Variants in PTPRM observed in about 807,000 individuals in gnomAD.
The protein encoded by PTPRM is protein tyrosine phosphatase receptor type M.
Under a neutral mutation model 186.7 loss-of-function variants are expected in PTPRM, and 47 were observed. That is an observed-to-expected ratio of 0.25 (90% CI 0.20 to 0.32). PTPRM has a LOEUF of 0.32. Ranked by LOEUF, PTPRM falls within the 10% of genes least tolerant of loss-of-function variation. The probability of loss-of-function intolerance (pLI) is 1.00; values close to 1 mark genes in which losing one functional copy is unlikely to be tolerated. For missense variants in PTPRM, 1,494 were observed against 1,865.0 expected (o/e 0.80, Z 3.66); for synonymous variants, 668 against 674.9 (o/e 0.99, Z 0.16).
At position 8,371,018 on chromosome 18, in the gene PTPRM, T is replaced by G. The variant is rs1474163427; in HGVS notation, c.3171+12T>G. ...TTGCTGTTGAAAAGGTAAGTTTTCATACTGCTTTTAAAAGCTATGGTCAGA... is the reference window on the plus strand; with the variant it reads ...TTGCTGTTGAAAAGGTAAGTTTTCAGACTGCTTTTAAAAGCTATGGTCAGA... On this transcript the variant is annotated intron_variant, in intron 24 of 32. Coordinates refer to ENST00000580170, the MANE Select transcript of PTPRM (RefSeq NM_001105244.2). The G allele has an allele frequency of 6.7e-7, 1 of 1,494,932 alleles. No homozygotes were observed. Among genetic ancestry groups the G allele is most frequent in the African/African-American group, 1.4e-5 (1 of 72,122 alleles). 92.6% of individuals were successfully genotyped at this position (1,494,932 alleles called of 1,614,324 possible).
chr18:7,676,887 G>A lies in PTPRM; in HGVS notation c.74-97262G>A, dbSNP rs2039356621. ...AAGGTGAGTATGTTTTTAGTTCTTT[G>A]ACAGGGGCTTATATGTCTCTGAACT... On this transcript the variant is annotated intron_variant, in intron 1 of 32. Coordinates refer to ENST00000580170, the MANE Select transcript of PTPRM (RefSeq NM_001105244.2). Among the ~76,000 whole-genome samples, 4 of 152,230 alleles carry A rather than the reference G, an allele frequency of 2.6e-5. No homozygotes were observed. In the South Asian group the frequency reaches 6.2e-4, roughly 24 times the overall value.
Position 7,834,491 on chromosome 18 carries a change from T to TACAC in PTPRM, c.197-53580_197-53577dup, listed in dbSNP as rs36162599. Among the ~76,000 whole-genome samples the TACAC allele has an allele frequency of 1.9e-3, 162 of 84,610 alleles. 2 individuals are homozygous for TACAC. The highest frequency in any genetic ancestry group is 3.3e-3 in the Admixed American group (29 of 8,848). 55.5% of individuals were successfully genotyped at this position (84,610 alleles called of 152,430 possible). On this transcript the variant is annotated intron_variant, in intron 2 of 32. Coordinates refer to ENST00000580170, the MANE Select transcript of PTPRM (RefSeq NM_001105244.2). ...TAAAATACAGGCCAATATACAAGTA[T>TACAC]ACACACACACACACACACACACACA...
At chr18:8,255,178 G>GA (rs2094563344) in intron 19 of PTPRM, among the ~76,000 whole-genome samples, 1 of 152,106 alleles carries the variant, frequency 6.6e-6, no homozygotes, top group Non-Finnish European at 1.5e-5. Context: ...TTAGGTTATT[G>GA]AAAAAATATA....
chr18:7,830,735 A>T (rs903796276), intron 2 of PTPRM, among the ~76,000 whole-genome samples: 2 of 152,232 alleles, frequency 1.3e-5, no homozygotes, highest in African/African-American at 4.8e-5. Context: ...TCCTGTCTAA[A>T]GAGACAGCAG....
rs1423293728 is a variant in PTPRM at position 7,926,563 on chromosome 18, T to C, written c.548-5T>C. 3.8e-6 allele frequency: 6 copies of C among 1,595,950 alleles called. No homozygotes were observed. The highest frequency in any genetic ancestry group is 5.1e-6 in the Non-Finnish European group (6 of 1,170,340). Reference sequence around the variant, plus strand: ...TAATATCTTTCATTCTTTTTCTTTATGTAGCCAGGACTCCTCACTTCCTGC... The same window carrying C: ...TAATATCTTTCATTCTTTTTCTTTACGTAGCCAGGACTCCTCACTTCCTGC... On this transcript the variant is annotated splice_region_variant and splice_polypyrimidine_tract_variant and intron_variant, in intron 4 of 32. Coordinates refer to ENST00000580170, the MANE Select transcript of PTPRM (RefSeq NM_001105244.2).
At chr18:7,612,477 A>G (rs1247321723) in intron 1 of PTPRM, among the ~76,000 whole-genome samples, 1 of 152,160 alleles carries the variant, frequency 6.6e-6, no homozygotes, top group Non-Finnish European at 1.5e-5. Context: ...TCTCTTGACC[A>G]GGCTGGTCAG....
intron 23 of PTPRM, among the ~76,000 whole-genome samples, chr18:8,345,080 A>G (rs2095497993): frequency 6.6e-6 from 1 of 152,188 alleles, no homozygotes; most frequent in Non-Finnish European, 1.5e-5. Flanking sequence ...AGAACTGTGA[A>G]TCATAAAGTA....
intron 2 of PTPRM, among the ~76,000 whole-genome samples, chr18:7,868,221 G>A (rs546501814): frequency 3.3e-5 from 5 of 152,126 alleles, no homozygotes; most frequent in South Asian, 4.1e-4. Flanking sequence ...ATTGTCTGTC[G>A]AAGTTTTGTT....
intron 13 of PTPRM, among the ~76,000 whole-genome samples, chr18:8,126,002 T>TTTTTTTTTTTTTTTTTTTTAA (rs2092336661): frequency 1.7e-4 from 3 of 18,056 alleles, no homozygotes; most frequent in African/African-American, 3.6e-4. Context: ...TATATATATA[T>TTTTTTTTTTTTTTTTTTTTAA]ATATATATAT....
At chr18:7,587,133 G>C (rs1245549008) in intron 1 of PTPRM, among the ~76,000 whole-genome samples, 1 of 152,076 alleles carries the variant, frequency 6.6e-6, no homozygotes, top group Non-Finnish European at 1.5e-5. Flanking sequence ...TTAAGTGTTA[G>C]ATTTTTATGT....
At chr18:8,380,579 T>A in intron 29 of PTPRM, 152 bp downstream of exon 29, 1 of 916,806 alleles carries the variant, frequency 1.1e-6, no homozygotes, top group Non-Finnish European at 1.6e-6. Flanking sequence ...ACACAACGGT[T>A]AAAAATCAGG....
chr18:8,368,957 G>A (rs969471703), intron 23 of PTPRM, among the ~76,000 whole-genome samples: 12 of 152,182 alleles, frequency 7.9e-5, no homozygotes, highest in Non-Finnish European at 1.0e-4. Flanking sequence ...GTCAGAACAA[G>A]CATGTTTCAT....
intron 13 of PTPRM, among the ~76,000 whole-genome samples, chr18:8,143,027 T>C (rs1375527169): frequency 1.3e-5 from 2 of 152,156 alleles, no homozygotes; most frequent in East Asian, 1.9e-4. Context: ...GTGCCAGTGG[T>C]GTGATCATCA....
chr18:8,277,704 T>C (rs2094852571), intron 19 of PTPRM, among the ~76,000 whole-genome samples: 1 of 152,230 alleles, frequency 6.6e-6, no homozygotes. Context: ...AAGATTTTTC[T>C]AAAGTTTGTT....
intron 9 of PTPRM, among the ~76,000 whole-genome samples, chr18:8,078,538 CA>C (rs1476787058): frequency 1.3e-5 from 2 of 152,138 alleles, no homozygotes; most frequent in African/African-American, 4.8e-5. Context: ...ACCAATGACA[CA>C]GGTGTTTCTT....
chr18:8,139,951 G>A (rs957905486), intron 13 of PTPRM, among the ~76,000 whole-genome samples: 3 of 152,218 alleles, frequency 2.0e-5, no homozygotes, highest in African/African-American at 7.2e-5. Context: ...TCCTTAAACA[G>A]TGCTTGGCAA....
chr18:8,103,659 A>T (rs1245176737), intron 11 of PTPRM, among the ~76,000 whole-genome samples: 1 of 152,190 alleles, frequency 6.6e-6, no homozygotes, highest in Admixed American at 6.5e-5. Flanking sequence ...TATCCAGACC[A>T]CTAACACTTT....
intron 1 of PTPRM, among the ~76,000 whole-genome samples, chr18:7,626,420 C>T (rs1358578601): frequency 6.6e-6 from 1 of 152,182 alleles, no homozygotes; most frequent in Non-Finnish European, 1.5e-5. Flanking sequence ...TAATCTCATA[C>T]ACAGGGACCT....
At chr18:8,233,654 A>G (rs952362431) in intron 14 of PTPRM, among the ~76,000 whole-genome samples, 1 of 152,130 alleles carries the variant, frequency 6.6e-6, no homozygotes, top group African/African-American at 2.4e-5. Context: ...TTTATTGGAA[A>G]GATGTCTATC....
Sources: allele counts gnomAD v4.1 joint callset (sites outside exome capture counted in the v4.1 genomes callset), GRCh38; gene constraint gnomAD v4.1.1; transcripts MANE v1.5; gene names NCBI Gene and HGNC (gene_info 2026-07-23, HGNC 2026-07-21).